The following ABCB11 variants were observed in gnomAD, a reference collection of about 807,000 sequenced individuals.
ABCB11 encodes ATP binding cassette subfamily B member 11.
Under a neutral mutation model 148.0 loss-of-function variants are expected in ABCB11, and 95 were observed. The ratio of observed to expected loss-of-function variants is 0.64; its 90% confidence interval spans 0.54 to 0.76. ABCB11 has a LOEUF of 0.76. ABCB11 is among the 30% of genes least tolerant of loss of function. The probability of loss-of-function intolerance (pLI) is 0.00; values close to 1 mark genes in which losing one functional copy is unlikely to be tolerated. For synonymous variants in ABCB11, 591 were observed against 555.4 expected, an observed-to-expected ratio of 1.06 and a Z score of -0.90; for missense variants, 1,523 against 1,617.8, an observed-to-expected ratio of 0.94 and a Z score of 1.01.
In ABCB11 at chr2:168,927,285, T is replaced by C. The variant is rs748499277; in HGVS notation, c.3489A>G (p.Pro1163=). The C allele has an allele frequency of 5.6e-6, 9 of 1,613,930 alleles. No homozygotes were observed. The highest frequency in any genetic ancestry group is 7.6e-6 in the Non-Finnish European group (9 of 1,179,822). Residue 1163 remains proline, a synonymous_variant, in exon 26 of 28, where the codon CCA becomes CCG. Transcript: ENST00000650372. ...CCATTATGCTACAGGCAAACAACAC[T>C]GGTTCCTGGGAAACAATTCCAATGT... ...RSNIGIVSQE[P]VLFACSIMDN...
chr2:169,028,115 C>A (rs1695755861), intron 1 of ABCB11, among the ~76,000 whole-genome samples: 1 of 151,974 alleles, frequency 6.6e-6, no homozygotes, highest in African/African-American at 2.4e-5. Flanking sequence ...ATTCACTATA[C>A]AGCTCTTTGC....
intron 11 of ABCB11, among the ~76,000 whole-genome samples, chr2:168,978,150 T>TC (rs1693994788): frequency 7.2e-6 from 1 of 139,338 alleles, no homozygotes; most frequent in African/African-American, 2.7e-5. Flanking sequence ...TTTTTTTTTT[T>TC]TTTTTTTTTT....
intron 10 of ABCB11, among the ~76,000 whole-genome samples, chr2:168,983,076 T>G (rs114109128): frequency 0.022 from 3,345 of 152,232 alleles, 129 homozygotes; most frequent in African/African-American, 0.074. Flanking sequence ...AAAATTGGAT[T>G]CCTACTACAG....
chr2:168,980,862 G>C (rs1446382991), intron 10 of ABCB11, among the ~76,000 whole-genome samples: 1 of 152,118 alleles, frequency 6.6e-6, no homozygotes, highest in Non-Finnish European at 1.5e-5. Context: ...TATCAGCACT[G>C]TTTATAAAGG....
At chr2:168,987,989 T>TTGTGTG (rs368771044) in intron 9 of ABCB11, among the ~76,000 whole-genome samples, 3 of 151,236 alleles carry the variant, frequency 2.0e-5, no homozygotes, top group African/African-American at 7.3e-5. Flanking sequence ...CATACTTATA[T>TTGTGTG]TGTGTGTGTG....
chr2:168,950,466 A>G (rs1311772366), intron 19 of ABCB11, among the ~76,000 whole-genome samples: 6 of 151,520 alleles, frequency 4.0e-5, no homozygotes, highest in Non-Finnish European at 8.9e-5. Flanking sequence ...TACTTTTTAA[A>G]GATAGCTGTT....
At chr2:168,972,160 T>G (rs1693612358) in intron 13 of ABCB11, 110 bp from the exon 14 acceptor site, 1 of 933,198 alleles carries the variant, frequency 1.1e-6, no homozygotes. Flanking sequence ...CCAATAAGAT[T>G]CTAATGGAAA....
chr2:168,969,297 T>A, intron 16 of ABCB11, 53 bp downstream of exon 16: 1 of 1,494,644 alleles, frequency 6.7e-7, no homozygotes, highest in Non-Finnish European at 9.2e-7. Context: ...CGTAAAGCAC[T>A]ATAGACATTA....
chr2:168,919,204 C>T (rs1185156778), downstream of ABCB11, among the ~76,000 whole-genome samples: 1 of 152,094 alleles, frequency 6.6e-6, no homozygotes, highest in African/African-American at 2.4e-5. Context: ...TAAGCTTTTA[C>T]ATTGATGTGA....
intron 16 of ABCB11, 71 bp from the exon 17 acceptor site, chr2:168,968,561 A>G (rs1374428214): frequency 1.1e-5 from 14 of 1,257,098 alleles, no homozygotes; most frequent in Non-Finnish European, 1.5e-5. Flanking sequence ...AGAATTCTTT[A>G]CTATGTTTGC....
At chr2:169,015,868 A>G (rs1695341222) in intron 3 of ABCB11, among the ~76,000 whole-genome samples, 2 of 152,174 alleles carry the variant, frequency 1.3e-5, no homozygotes, top group South Asian at 4.1e-4. Flanking sequence ...CGCAGCACCT[A>G]CAATAGTGTC....
intron 9 of ABCB11, among the ~76,000 whole-genome samples, chr2:168,987,599 T>G (rs1290436528): frequency 2.0e-5 from 3 of 152,226 alleles, no homozygotes; most frequent in Non-Finnish European, 4.4e-5. Flanking sequence ...CTGGTTAATT[T>G]CTGTATTTTT....
In ABCB11 at chr2:168,970,190, C is replaced by A. The variant is rs370566153; in HGVS notation, c.1664G>T (p.Gly555Val). 1 of 1,612,114 alleles carries A rather than the reference C, an allele frequency of 6.2e-7. No individual in the cohort carries two copies. The highest frequency in any genetic ancestry group is 2.2e-5 in the East Asian group (1 of 44,722). The change falls in exon 15 of 28, where the codon GGA becomes GTA. Residue 555 changes from glycine (G) to valine (V), a missense_variant. Gly to Val is a moderately radical substitution (Grantham distance 109). Transcript: ENST00000650372. ...CTGGCCACCACTCATCTGGCCTCCTCCTTCTCCAACAAGGGTGTCAAATTG... is the reference window on the plus strand; with the variant it reads ...CTGGCCACCACTCATCTGGCCTCCTACTTCTCCAACAAGGGTGTCAAATTG... ...PQQFDTLVGE[G>V]GGQMSGGQKQ...
chr2:168,986,589 G>T (rs530027669), intron 9 of ABCB11, among the ~76,000 whole-genome samples: 1 of 152,188 alleles, frequency 6.6e-6, no homozygotes, highest in East Asian at 1.9e-4. Context: ...GAACAAGAGA[G>T]ATCTAGTATT....
At chr2:168,927,497 G>T in intron 25 of ABCB11, 135 bp from the exon 26 acceptor site, 2 of 711,768 alleles carry the variant, frequency 2.8e-6, no homozygotes, top group Non-Finnish European at 4.7e-6. Flanking sequence ...CTAAAATTAT[G>T]GAATAAATTA....
Position 168,973,799 on chromosome 2 carries a change from C to A in ABCB11, c.1350G>T (p.Met450Ile), listed in dbSNP as rs542821407. The change falls in exon 13 of 28, where the codon ATG becomes ATT. Residue 450 changes from methionine to isoleucine, a missense_variant. Coordinates refer to ENST00000650372, the MANE Select transcript of ABCB11 (RefSeq NM_003742.4). ...CTCCACTGGGTCCTACCAGAGCTGT[C>A]ATTTCCCCTGGTTTAATGACCATGT... ...DLNMVIKPGEMTALVGPSGAG... is the reference protein window; with the variant it reads ...DLNMVIKPGEITALVGPSGAG... The A allele has an allele frequency of 3.7e-6, 6 of 1,612,124 alleles. No individual in the cohort carries two copies. In the African/African-American group the frequency reaches 5.3e-5, roughly 14 times the overall value.
At chr2:169,011,987 T>C (rs1241501679) in intron 5 of ABCB11, among the ~76,000 whole-genome samples, 2 of 152,104 alleles carry the variant, frequency 1.3e-5, no homozygotes, top group Non-Finnish European at 2.9e-5. Context: ...TTAAGACAAC[T>C]GTGTCCTTGA....
intron 25 of ABCB11, among the ~76,000 whole-genome samples, chr2:168,929,679 A>G (rs1691476990): frequency 6.6e-6 from 1 of 152,196 alleles, no homozygotes; most frequent in African/African-American, 2.4e-5. Context: ...GATTGCTAAC[A>G]TTTTTCTTTT....
intron 18 of ABCB11, among the ~76,000 whole-genome samples, chr2:168,958,706 A>G (rs1559202842): frequency 6.6e-6 from 1 of 151,666 alleles, no homozygotes; most frequent in Non-Finnish European, 1.5e-5. Context: ...TAAATTGCAC[A>G]TTTTCATCAC....
Sources: allele counts gnomAD v4.1 joint callset (sites outside exome capture counted in the v4.1 genomes callset), GRCh38; gene constraint gnomAD v4.1.1; transcripts MANE v1.5; gene names NCBI Gene and HGNC (gene_info 2026-07-23, HGNC 2026-07-21).